Variants in LRRFIP2 observed in about 807,000 individuals in gnomAD.
LRRFIP2 encodes the protein leucine-rich repeat flightless-interacting protein 2.
A neutral mutation model predicts 125.9 loss-of-function variants in LRRFIP2; 109 were observed. The observed-to-expected ratio is 0.87, with a 90% CI of 0.74 to 1.01. The LOEUF (loss-of-function observed/expected upper bound fraction) is 1.01. LRRFIP2 is among the 50% of genes least tolerant of loss of function. The pLI is 0.00. For synonymous variants in LRRFIP2, 291 were observed against 293.1 expected, an observed-to-expected ratio of 0.99 and a Z score of 0.07; for missense variants, 850 against 862.3, an observed-to-expected ratio of 0.99 and a Z score of 0.18.
chr3:37,159,560 G>T (rs1180307443), intron 1 of LRRFIP2, among the ~76,000 whole-genome samples: 2 of 152,036 alleles, frequency 1.3e-5, no homozygotes, highest in Non-Finnish European at 2.9e-5. Flanking sequence ...AGGTTGGAGT[G>T]CAGTGGTGCG....
At chr3:37,114,780 C>A (rs1230740586) in intron 7 of LRRFIP2, among the ~76,000 whole-genome samples, 1 of 150,080 alleles carries the variant, frequency 6.7e-6, no homozygotes, top group Non-Finnish European at 1.5e-5. Flanking sequence ...CAGAGAGGGA[C>A]CCCATCTTTA....
In LRRFIP2 at chr3:37,052,804, CAT is replaced by C. The variant is rs1332410415; in HGVS notation, c.*1045_*1046del. The C allele has an allele frequency of 2.0e-5, 3 of 152,090 alleles. No homozygotes were observed. Among genetic ancestry groups the C allele is most frequent in the Admixed American group, 6.6e-5 (1 of 15,264 alleles). The allele number at this position is 152,090 out of a possible 1,614,324, so 9.4% of individuals were successfully genotyped here. ...CTGGGTACTAAGAGCAAAAGAGAAT[CAT>C]AAATTCTGCAAAGTAGTTGCACTCC... On this transcript the variant is annotated 3_prime_UTR_variant, in exon 28 of 28. Transcript: ENST00000336686.
intron 8 of LRRFIP2, chr3:37,112,023 G>A (rs1472655406): frequency 6.6e-6 from 1 of 152,212 alleles, no homozygotes; most frequent in Non-Finnish European, 1.5e-5. Context: ...AACAGGAAAT[G>A]GGTGTTTCCA....
At chr3:37,081,839 C>T (rs915997909) in intron 19 of LRRFIP2, among the ~76,000 whole-genome samples, 4 of 146,534 alleles carry the variant, frequency 2.7e-5, no homozygotes, top group African/African-American at 7.6e-5. Context: ...GTGAGCTATA[C>T]TTGCGCTACT....
intron 4 of LRRFIP2, among the ~76,000 whole-genome samples, chr3:37,122,277 A>G (rs1003838261): frequency 6.6e-6 from 1 of 151,552 alleles, no homozygotes; most frequent in Admixed American, 6.6e-5. Flanking sequence ...ATAGTATTCC[A>G]TGGTGTGTAT....
At chr3:37,091,687 A>G in intron 17 of LRRFIP2, 149 bp from the exon 18 acceptor site, 1 of 602,464 alleles carries the variant, frequency 1.7e-6, no homozygotes, top group South Asian at 2.2e-5. Flanking sequence ...CCCACTCCCA[A>G]CCACTGAAAA....
At chr3:37,155,626 T>C (rs1414160579) in intron 1 of LRRFIP2, among the ~76,000 whole-genome samples, 3 of 152,216 alleles carry the variant, frequency 2.0e-5, no homozygotes, top group Non-Finnish European at 4.4e-5. Context: ...AAACAGAAGA[T>C]AGAGATCATT....
chr3:37,087,616 TCTCA>T (rs2093145665), intron 18 of LRRFIP2, among the ~76,000 whole-genome samples: 1 of 150,178 alleles, frequency 6.7e-6, no homozygotes, highest in African/African-American at 2.5e-5. Flanking sequence ...TGAGACGGAG[TCTCA>T]CTGTGTCACC....
At chr3:37,167,251 C>T (rs953380653) in intron 1 of LRRFIP2, among the ~76,000 whole-genome samples, 22 of 151,026 alleles carry the variant, frequency 1.5e-4, no homozygotes, top group African/African-American at 5.3e-4. Context: ...AGAAAAGATG[C>T]ACAATGTCAC....
At chr3:37,164,202 G>C (rs995610951) in intron 1 of LRRFIP2, among the ~76,000 whole-genome samples, 1 of 152,030 alleles carries the variant, frequency 6.6e-6, no homozygotes, top group African/African-American at 2.4e-5. Flanking sequence ...AGTTAAACAA[G>C]AAAGGAAACA....
intron 1 of LRRFIP2, among the ~76,000 whole-genome samples, chr3:37,154,204 A>C (rs1428911783): frequency 6.6e-6 from 1 of 152,088 alleles, no homozygotes; most frequent in African/African-American, 2.4e-5. Context: ...GGAAAGATGA[A>C]AGGTTTTTCC....
chr3:37,069,960 G>C (rs2090874448), intron 21 of LRRFIP2, among the ~76,000 whole-genome samples: 1 of 152,160 alleles, frequency 6.6e-6, no homozygotes, highest in Non-Finnish European at 1.5e-5. Context: ...AAAAAGGCAA[G>C]AGGAGGAGAA....
At chr3:37,124,212 T>C (rs1215719793) in intron 4 of LRRFIP2, among the ~76,000 whole-genome samples, 1 of 152,244 alleles carries the variant, frequency 6.6e-6, no homozygotes, top group Non-Finnish European at 1.5e-5. Context: ...AACCAAATTT[T>C]AAATTTTATT....
intron 7 of LRRFIP2, among the ~76,000 whole-genome samples, chr3:37,113,695 G>A (rs965382932): frequency 6.6e-6 from 1 of 152,128 alleles, no homozygotes; most frequent in Admixed American, 6.5e-5. Context: ...AAACAGGACT[G>A]AGAGAACAAA....
At chr3:37,055,197 A>T in intron 25 of LRRFIP2, 32 bp from the exon 26 acceptor site, 3 of 1,340,566 alleles carry the variant, frequency 2.2e-6, no homozygotes, top group Non-Finnish European at 3.1e-6. Flanking sequence ...AATTATCTTC[A>T]CCTGTCAGAG....
intron 15 of LRRFIP2, among the ~76,000 whole-genome samples, chr3:37,101,199 T>TA (rs2094020615): frequency 6.7e-6 from 1 of 150,260 alleles, no homozygotes; most frequent in African/African-American, 2.4e-5. Context: ...CTACTAAAAA[T>TA]AAAAAAAATT....
chr3:37,110,305 T>A (rs1373617282), intron 9 of LRRFIP2, among the ~76,000 whole-genome samples: 1 of 152,250 alleles, frequency 6.6e-6, no homozygotes, highest in East Asian at 1.9e-4. Context: ...TTTAAAGGAA[T>A]TAAATCTTGC....
At chr3:37,139,815 A>G (rs1027803772) in intron 2 of LRRFIP2, among the ~76,000 whole-genome samples, 2 of 152,082 alleles carry the variant, frequency 1.3e-5, no homozygotes, top group Admixed American at 6.5e-5. Context: ...CAAGCAAAAA[A>G]TCTCACCCTG....
intron 14 of LRRFIP2, 92 bp downstream of exon 14, chr3:37,105,363 A>C (rs1282874849): frequency 9.2e-7 from 1 of 1,081,280 alleles, no homozygotes; most frequent in Non-Finnish European, 1.4e-6. Flanking sequence ...TTTTTGTCAA[A>C]TGCAAACTTC....
Sources: allele counts gnomAD v4.1 joint callset (sites outside exome capture counted in the v4.1 genomes callset), GRCh38; gene constraint gnomAD v4.1.1; transcripts MANE v1.5; gene names NCBI Gene and HGNC (gene_info 2026-07-23, HGNC 2026-07-21).